The following PDCD6 variants were observed in gnomAD, a reference collection of about 807,000 sequenced individuals.
The protein encoded by PDCD6 is programmed cell death protein 6.
Under a neutral mutation model 28.3 loss-of-function variants are expected in PDCD6, and 12 were observed. The ratio of observed to expected loss-of-function variants is 0.42; its 90% CI spans 0.27 to 0.69. PDCD6 has a LOEUF of 0.69. PDCD6 is among the 30% of genes least tolerant of loss of function. The pLI, the probability that PDCD6 is intolerant of heterozygous loss-of-function variation, is 0.22. For missense variants in PDCD6, 226 were observed against 269.9 expected, an observed-to-expected ratio of 0.84 and a Z score of 1.14; for synonymous variants, 92 against 108.0, an observed-to-expected ratio of 0.85 and a Z score of 0.92.
rs1034336157 is a variant in PDCD6, at chr5:290,222, T to A, written c.164-13955T>A. On this transcript the variant is annotated intron_variant, in intron 2 of 5. Transcript: ENST00000264933. ...GACCACTGAATCTGTTTCTCCAGTC[T>A]TGGCTATATGACAAAGAAACTGATC... 2.6e-5 allele frequency: 40 copies of A among 1,559,164 alleles called. No individual in the cohort carries two copies. In the African/African-American group the frequency reaches 3.1e-4, roughly 12 times the overall value.
Position 272,869 on chromosome 5 carries a change from A to G in PDCD6, c.163+97A>G. ...TTTCTGAAGTTGTTTTTCCAAGGAC[A>G]AAGGAATCATTAGGACAAATTGTTA... On this transcript the variant is annotated intron_variant, in intron 2 of 5. Coordinates refer to ENST00000264933, the MANE Select transcript of PDCD6 (RefSeq NM_013232.4). 6 of 1,495,970 alleles carry G rather than the reference A, an allele frequency of 4.0e-6. 1 individual carries two copies. Among genetic ancestry groups the G allele is most frequent in the Non-Finnish European group, 5.4e-6 (6 of 1,107,540 alleles). The allele number at this position is 1,495,970 out of a possible 1,614,324, so 92.7% of individuals were successfully genotyped here.
intron 2 of PDCD6, among the ~76,000 whole-genome samples, chr5:295,606 C>T (rs1242345320): frequency 6.8e-6 from 1 of 147,276 alleles, no homozygotes; most frequent in African/African-American, 2.4e-5. Context: ...CCATGATTCT[C>T]CGTGATGTTG....
chr5:275,893 ACCT>A (rs1738164619), intron 2 of PDCD6: 1 of 535,562 alleles, frequency 1.9e-6, no homozygotes, highest in Non-Finnish European at 3.2e-6. Flanking sequence ...TTTCCACCAC[ACCT>A]CTGCCTGGTG....
chr5:277,912 C>CCAA (rs1738302161), intron 2 of PDCD6, among the ~76,000 whole-genome samples: 1 of 111,068 alleles, frequency 9.0e-6, no homozygotes, highest in African/African-American at 3.6e-5. Flanking sequence ...GACTCCATCT[C>CCAA]AAAAAAAAAA....
intron 2 of PDCD6, among the ~76,000 whole-genome samples, chr5:286,095 G>GC (rs758740301): frequency 4.3e-5 from 4 of 92,438 alleles, no homozygotes; most frequent in African/African-American, 3.1e-4. Context: ...TGAGGACCCA[G>GC]GGGGGAGCTG....
At chr5:296,567 A>G (rs1325449887) in intron 2 of PDCD6, among the ~76,000 whole-genome samples, 1 of 152,168 alleles carries the variant, frequency 6.6e-6, no homozygotes, top group Admixed American at 6.5e-5. Flanking sequence ...TGGGTCTCAG[A>G]TAGTGTGTGA....
At chr5:283,401 G>A (rs1222536253) in intron 2 of PDCD6, among the ~76,000 whole-genome samples, 1 of 152,206 alleles carries the variant, frequency 6.6e-6, no homozygotes, top group African/African-American at 2.4e-5. Flanking sequence ...TCTTGCAGCT[G>A]CAGACCCAGA....
intron 5 of PDCD6, 73 bp downstream of exon 5, chr5:311,475 C>G: frequency 1.0e-6 from 1 of 969,608 alleles, no homozygotes; most frequent in East Asian, 2.5e-5. Flanking sequence ...TGCACCTGAC[C>G]TTCAATCTAA....
At chr5:303,816 C>G (rs1386952306) in intron 2 of PDCD6, among the ~76,000 whole-genome samples, 2 of 146,782 alleles carry the variant, frequency 1.4e-5, no homozygotes, top group Non-Finnish European at 2.9e-5. Context: ...AAACTAAGTG[C>G]GAACTTCTCA....
At chr5:306,269 G>A (rs1454684961) in intron 3 of PDCD6, 1 of 272,778 alleles carries the variant, frequency 3.7e-6, no homozygotes, top group Non-Finnish European at 7.4e-6. Flanking sequence ...CGGAAGCTGA[G>A]TGTGAAGCTC....
chr5:275,139 G>A (rs1275262975), intron 2 of PDCD6, among the ~76,000 whole-genome samples: 4 of 152,162 alleles, frequency 2.6e-5, no homozygotes, highest in Admixed American at 6.5e-5. Flanking sequence ...GTGAGTGCAG[G>A]GCCAGGTGCA....
At chr5:286,235 G>A (rs1738954098) in intron 2 of PDCD6, among the ~76,000 whole-genome samples, 1 of 151,678 alleles carries the variant, frequency 6.6e-6, no homozygotes, top group Non-Finnish European at 1.5e-5. Context: ...GGCGACCTGG[G>A]CGGGAGCTGA....
At chr5:271,853 C>T in intron 1 of PDCD6, 32 bp downstream of exon 1, 4 of 1,251,018 alleles carry the variant, frequency 3.2e-6, no homozygotes, top group Non-Finnish European at 3.1e-6. Context: ...GCACCTCCCG[C>T]CTCCGCCGCG....
intron 2 of PDCD6, among the ~76,000 whole-genome samples, chr5:297,992 C>T (rs1462588360): frequency 6.6e-6 from 1 of 152,162 alleles, no homozygotes; most frequent in Admixed American, 6.5e-5. Context: ...TATTTCTTTA[C>T]ATAGATAAAT....
At chr5:298,741 C>T (rs1329123762) in intron 2 of PDCD6, among the ~76,000 whole-genome samples, 3 of 85,462 alleles carry the variant, frequency 3.5e-5, no homozygotes, top group Non-Finnish European at 5.2e-5. Context: ...GCTGCTCCCC[C>T]CAGCTGCTCA....
chr5:300,905 C>T (rs1436941439), intron 2 of PDCD6, among the ~76,000 whole-genome samples: 1 of 152,202 alleles, frequency 6.6e-6, no homozygotes, highest in Non-Finnish European at 1.5e-5. Flanking sequence ...TCCGGTTCCT[C>T]CTGGGCCCCA....
At chr5:311,576 C>T in intron 5 of PDCD6, 174 bp downstream of exon 5, 1 of 589,884 alleles carries the variant, frequency 1.7e-6, no homozygotes, top group South Asian at 2.1e-5. Flanking sequence ...TGTGGACAAA[C>T]ATGTTTTCCT....
At position 311,364 on chromosome 5, in the gene PDCD6, G is replaced by A. The variant is rs996549656; in HGVS notation, c.439G>A (p.Ala147Thr). Residue 147 changes from alanine to threonine, a missense_variant, in exon 5 of 6, where the codon GCC becomes ACC. Physicochemically the swap from Ala to Thr is moderately conservative, Grantham distance 58. This residue lies in a region of PDCD6 where 151 missense variants were observed against 177.2 expected (regional missense o/e 0.85). Transcript: ENST00000264933. ...TGACAGGCAGGGACGGGGGCAGATT[G>A]CCTTCGACGACTTCATCCAGGGCTG... ...KFDRQGRGQI[A>T]FDDFIQGCIV... The A allele has an allele frequency of 6.8e-6, 11 of 1,613,810 alleles. No homozygotes were observed. The highest frequency in any genetic ancestry group is 5.3e-5 in the African/African-American group (4 of 74,918).
chr5:285,171 C>T (rs182667216), intron 2 of PDCD6, among the ~76,000 whole-genome samples: 162 of 151,772 alleles, frequency 1.1e-3, no homozygotes, highest in African/African-American at 3.7e-3. Flanking sequence ...ATTGGAGGGC[C>T]GTGCAGCTGG....
Sources: gnomAD v4.1 joint callset for allele counts (sites outside exome capture counted in the v4.1 genomes callset) on GRCh38, gnomAD v4.1.1 for gene constraint, gnomAD v4.1.1 regional missense constraint, MANE v1.5 for transcripts, NCBI Gene and HGNC (gene_info 2026-07-23, HGNC 2026-07-21) for gene names.